CPVL: variants seen among roughly 807,000 people sequenced by gnomAD.
CPVL encodes the protein carboxypeptidase vitellogenic like.
A neutral mutation model predicts 63.7 loss-of-function variants in CPVL; 51 were observed. The ratio of observed to expected loss-of-function variants is 0.80; its 90% CI spans 0.64 to 1.01. CPVL has a LOEUF of 1.01. Ranked by LOEUF, CPVL falls within the 50% of genes least tolerant of loss-of-function variation. The pLI, the probability that CPVL is intolerant of heterozygous loss-of-function variation, is 0.00. For missense variants in CPVL, 530 were observed against 573.1 expected, an observed-to-expected ratio of 0.92 and a Z score of 0.77; for synonymous variants, 195 against 206.0, an observed-to-expected ratio of 0.95 and a Z score of 0.46.
At chr7:29,073,115 C>T (rs146048981) in intron 7 of CPVL, among the ~76,000 whole-genome samples, 201 of 152,284 alleles carry the variant, frequency 1.3e-3, no homozygotes, top group African/African-American at 4.6e-3. Context: ...GATATCTCCA[C>T]TTGTATGTCT....
intron 1 of CPVL, chr7:29,193,268 T>G (rs1322518994): frequency 3.3e-5 from 5 of 152,162 alleles, no homozygotes; most frequent in African/African-American, 1.2e-4. Flanking sequence ...ATTTTTTTTT[T>G]TAAGTTCTAA....
At chr7:29,107,716 T>A (rs1787862086) in intron 3 of CPVL, among the ~76,000 whole-genome samples, 1 of 152,198 alleles carries the variant, frequency 6.6e-6, no homozygotes, top group Admixed American at 6.5e-5. Context: ...AGCTGGGAGA[T>A]CTGTCATATT....
At chr7:29,166,537 T>G (rs1795938254) in intron 5 of CPVL, among the ~76,000 whole-genome samples, 1 of 152,176 alleles carries the variant, frequency 6.6e-6, no homozygotes, top group Non-Finnish European at 1.5e-5. Context: ...CTTTAATAAC[T>G]TTAATAGCTA....
At chr7:29,031,151 C>A (rs1216891359) in intron 11 of CPVL, among the ~76,000 whole-genome samples, 1 of 152,184 alleles carries the variant, frequency 6.6e-6, no homozygotes, top group African/African-American at 2.4e-5. Flanking sequence ...TCAGGCAGTG[C>A]AGTCGCTGGC....
At chr7:29,093,805 C>T (rs1432405731) in intron 5 of CPVL, among the ~76,000 whole-genome samples, 1 of 152,168 alleles carries the variant, frequency 6.6e-6, no homozygotes, top group Admixed American at 6.5e-5. Context: ...GGAAGGCTGA[C>T]AAAACAAGGT....
chr7:29,147,956 A>G (rs1423169866), upstream of CPVL, among the ~76,000 whole-genome samples: 1 of 152,194 alleles, frequency 6.6e-6, no homozygotes. Context: ...GGCGATTTCC[A>G]GTTCCTGGTT....
At chr7:29,093,832 T>G (rs1786109004) in intron 5 of CPVL, among the ~76,000 whole-genome samples, 1 of 152,184 alleles carries the variant, frequency 6.6e-6, no homozygotes, top group Non-Finnish European at 1.5e-5. Flanking sequence ...AAGAGCATGT[T>G]GACATTTTTT....
At chr7:29,128,713 T>C (rs1325668317) in intron 1 of CPVL, among the ~76,000 whole-genome samples, 2 of 16,844 alleles carry the variant, frequency 1.2e-4, no homozygotes, top group Non-Finnish European at 9.3e-5. Flanking sequence ...AGACTCTGTC[T>C]CAAAAAAAAA....
At chr7:29,145,132 A>G (rs1260141884) in intron 1 of CPVL, among the ~76,000 whole-genome samples, 1 of 151,906 alleles carries the variant, frequency 6.6e-6, no homozygotes, top group Non-Finnish European at 1.5e-5. Context: ...AAGCCGGTGC[A>G]GTGTACTTTT....
At chr7:29,146,570 T>C, upstream of CPVL, 5 of 1,539,230 alleles carry the variant, frequency 3.2e-6, no homozygotes, top group East Asian at 7.4e-5. Flanking sequence ...CTTTAAGCGC[T>C]CCTCTAGGCT....
chr7:29,062,671 G>A (rs1302080791), intron 11 of CPVL, among the ~76,000 whole-genome samples: 1 of 152,140 alleles, frequency 6.6e-6, no homozygotes, highest in Non-Finnish European at 1.5e-5. Context: ...ATTGCAGATT[G>A]TGCACTGAAC....
chr7:29,092,153 G>C (rs188313692), intron 6 of CPVL, among the ~76,000 whole-genome samples: 150 of 149,496 alleles, frequency 1.0e-3, no homozygotes, highest in African/African-American at 3.7e-3. Flanking sequence ...GACACTGTTT[G>C]GCCAGACTTA....
At position 28,995,518 on chromosome 7, in the gene CPVL, C is replaced by G. The variant is rs1783974423; in HGVS notation, c.*254G>C. Reference sequence around the variant, plus strand: ...CTAAAATTTCATTTATACATCTTGTCTCAGTGTCACATCATCCATACCTTT... The same window carrying G: ...CTAAAATTTCATTTATACATCTTGTGTCAGTGTCACATCATCCATACCTTT... On this transcript the variant is annotated 3_prime_UTR_variant, in exon 13 of 13. Coordinates refer to ENST00000265394, the MANE Select transcript of CPVL (RefSeq NM_031311.5). The G allele has an allele frequency of 5.5e-6, 2 of 363,782 alleles. No individual in the cohort carries two copies. Among genetic ancestry groups the G allele is most frequent in the Non-Finnish European group, 9.7e-6 (2 of 206,184 alleles). 22.5% of individuals were successfully genotyped at this position (363,782 alleles called of 1,614,324 possible).
intron 1 of CPVL, among the ~76,000 whole-genome samples, chr7:29,190,985 G>A (rs1055056531): frequency 7.2e-5 from 11 of 151,796 alleles, no homozygotes; most frequent in African/African-American, 2.7e-4. Context: ...CCCAGGCTGG[G>A]GTGCAGTGGC....
chr7:29,180,483 C>T (rs561624559), intron 5 of CPVL, among the ~76,000 whole-genome samples: 6 of 151,840 alleles, frequency 4.0e-5, no homozygotes, highest in Admixed American at 1.3e-4. Context: ...GCCGAGATCG[C>T]GCCACTGCAC....
intron 9 of CPVL, among the ~76,000 whole-genome samples, chr7:29,071,327 A>C (rs1783712797): frequency 6.6e-6 from 1 of 152,204 alleles, no homozygotes; most frequent in Non-Finnish European, 1.5e-5. Flanking sequence ...CGTGTGTCAC[A>C]TGTCATCTGT....
At chr7:29,043,696 A>G (rs1327522234) in intron 11 of CPVL, among the ~76,000 whole-genome samples, 3 of 152,196 alleles carry the variant, frequency 2.0e-5, no homozygotes, top group African/African-American at 7.2e-5. Flanking sequence ...GATAATAATA[A>G]CAGTCATAAG....
At chr7:29,190,874 T>A (rs1275909120) in intron 1 of CPVL, among the ~76,000 whole-genome samples, 2 of 151,766 alleles carry the variant, frequency 1.3e-5, no homozygotes, top group Non-Finnish European at 2.9e-5. Context: ...GAGCACCTAT[T>A]GTATGCAAAG....
intron 1 of CPVL, among the ~76,000 whole-genome samples, chr7:29,145,213 C>A (rs970391751): frequency 6.6e-6 from 1 of 151,948 alleles, no homozygotes; most frequent in Non-Finnish European, 1.5e-5. Flanking sequence ...AAAATGTATT[C>A]TCAATGGACT....
Sources: allele counts gnomAD v4.1 joint callset (sites outside exome capture counted in the v4.1 genomes callset), GRCh38; gene constraint gnomAD v4.1.1; transcripts MANE v1.5; gene names NCBI Gene and HGNC (gene_info 2026-07-23, HGNC 2026-07-21).